SMAD9: variants seen among roughly 807,000 people sequenced by gnomAD.
The protein encoded by SMAD9 is SMAD family member 9.
In SMAD9, 36 loss-of-function variants were observed where a neutral mutation model predicts 46.1. The ratio of observed to expected loss-of-function variants is 0.78; its 90% CI spans 0.60 to 1.03. The LOEUF is 1.03. SMAD9 is among the 50% of genes least tolerant of loss of function. The pLI, the probability that SMAD9 is intolerant of heterozygous loss-of-function variation, is 0.00. For missense variants in SMAD9, 572 were observed against 599.8 expected, an observed-to-expected ratio of 0.95 and a Z score of 0.48; for synonymous variants, 245 against 237.1, an observed-to-expected ratio of 1.03 and a Z score of -0.31.
intron 5 of SMAD9, among the ~76,000 whole-genome samples, chr13:36,862,135 C>G (rs555566905): frequency 2.0e-5 from 3 of 152,104 alleles, no homozygotes; most frequent in Admixed American, 2.0e-4. Flanking sequence ...TCAGGCTCCA[C>G]GAACACTGAC....
chr13:36,884,384 G>GA (rs1018268623), intron 1 of SMAD9, among the ~76,000 whole-genome samples: 1 of 152,098 alleles, frequency 6.6e-6, no homozygotes, highest in African/African-American at 2.4e-5. Context: ...TGGGCAGAGA[G>GA]AAAAAACACC....
At chr13:36,906,108 C>T (rs2058618265) in intron 1 of SMAD9, among the ~76,000 whole-genome samples, 1 of 152,078 alleles carries the variant, frequency 6.6e-6, no homozygotes, top group African/African-American at 2.4e-5. Flanking sequence ...CAAATTTCTA[C>T]AGCCACAAAG....
intron 1 of SMAD9, among the ~76,000 whole-genome samples, chr13:36,900,578 G>A (rs2058566006): frequency 2.0e-5 from 3 of 151,462 alleles, no homozygotes; most frequent in South Asian, 2.1e-4. Flanking sequence ...CCGCTTGGCC[G>A]ACTATCTTAT....
chr13:36,867,137 C>T (rs2058242569), intron 4 of SMAD9, 136 bp downstream of exon 4: 1 of 642,816 alleles, frequency 1.6e-6, no homozygotes, highest in African/African-American at 1.8e-5. Context: ...GCAAAGCCAT[C>T]CCATTTGCCT....
intron 5 of SMAD9, among the ~76,000 whole-genome samples, chr13:36,855,304 A>C (rs1303926810): frequency 1.3e-5 from 2 of 151,508 alleles, no homozygotes; most frequent in Non-Finnish European, 2.9e-5. Context: ...GTTGCTGCTC[A>C]TGCTAATTTC....
chr13:36,853,750 TAGG>T lies in SMAD9; in HGVS notation c.1004-78_1004-76del, dbSNP rs554000731. The T allele has an allele frequency of 2.0e-4, 296 of 1,505,468 alleles. No individual in the cohort carries two copies. In the African/African-American group the frequency reaches 3.4e-3, roughly 17 times the overall value. The allele number at this position is 1,505,468 out of a possible 1,614,324, so 93.3% of individuals were successfully genotyped here. A position where few individuals can be genotyped will look rare whatever the true frequency, so the allele number is the denominator to read the frequency against. ...CCTCTCCCACTGATTCCTGAAACCC[TAGG>T]AGATGTGACTCTCCCATCAGGTTGT... is the stretch of plus-strand genomic sequence containing the variant. On this transcript the variant is annotated intron_variant, in intron 5 of 6. Transcript: ENST00000379826.
intron 1 of SMAD9, among the ~76,000 whole-genome samples, chr13:36,886,802 C>A (rs188739181): frequency 1.3e-5 from 2 of 152,302 alleles, no homozygotes; most frequent in East Asian, 3.9e-4. Flanking sequence ...GAAAGTGCGG[C>A]CACTCCAGGG....
intron 1 of SMAD9, among the ~76,000 whole-genome samples, chr13:36,890,474 T>C (rs532225171): frequency 6.6e-6 from 1 of 152,350 alleles, no homozygotes; most frequent in Non-Finnish European, 1.5e-5. Flanking sequence ...TTTATTGACG[T>C]AGTCAATGAA....
chr13:36,880,488 GAAAAA>G (rs201645755), intron 1 of SMAD9, among the ~76,000 whole-genome samples: 6 of 152,022 alleles, frequency 3.9e-5, no homozygotes, highest in East Asian at 1.9e-4. Flanking sequence ...GAAAAGAAAA[GAAAAA>G]AAGAATCGTG....
intron 1 of SMAD9, among the ~76,000 whole-genome samples, chr13:36,884,675 C>G (rs946999112): frequency 6.6e-6 from 1 of 152,142 alleles, no homozygotes; most frequent in African/African-American, 2.4e-5. Flanking sequence ...TTTAAGTTGA[C>G]GGTTTTAAAT....
At chr13:36,901,725 G>C (rs2058577966) in intron 1 of SMAD9, among the ~76,000 whole-genome samples, 1 of 152,180 alleles carries the variant, frequency 6.6e-6, no homozygotes, top group African/African-American at 2.4e-5. Flanking sequence ...ACTGTGCCCG[G>C]TCCACTGTGG....
At position 36,893,208 on chromosome 13, in the gene SMAD9, T is replaced by C. The variant is rs922803350; in HGVS notation, c.-186-13333A>G. On this transcript the variant is annotated intron_variant, in intron 1 of 6. Coordinates refer to ENST00000379826, the MANE Select transcript of SMAD9 (RefSeq NM_001127217.3). ...AGAAATGATTAATGAAACCAATTCA[T>C]TGGATCTCAACCAGCATTTTAAAAA... Among the ~76,000 whole-genome samples the C allele has an allele frequency of 3.9e-5, 6 of 151,982 alleles. No homozygotes were observed. The East Asian group carries it at 1.2e-3, about 29-fold the overall frequency.
Position 36,848,669 on chromosome 13 carries a change from A to C in SMAD9, c.*7T>G, listed in dbSNP as rs758938512. ...ATCCTATGGAAATGCAGCTTAAGAC[A>C]TGACTGTTAAGACACTGAAGAAATG... On this transcript the variant is annotated 3_prime_UTR_variant, in exon 7 of 7. Transcript: ENST00000379826. 1 of 1,614,088 alleles carries C rather than the reference A, an allele frequency of 6.2e-7. No individual in the cohort carries two copies. Among genetic ancestry groups the C allele is most frequent in the Admixed American group, 1.7e-5 (1 of 60,030 alleles).
At position 36,865,482 on chromosome 13, in the gene SMAD9, C is replaced by T. The variant is rs543294024; in HGVS notation, c.1003+55G>A. The T allele has an allele frequency of 3.1e-4, 455 of 1,454,484 alleles. 3 individuals carry two copies. The African/African-American group carries it at 5.7e-3, about 18-fold the overall frequency. 90.1% of individuals were successfully genotyped at this position (1,454,484 alleles called of 1,614,324 possible). A position where few individuals can be genotyped will look rare whatever the true frequency, so the allele number is the denominator to read the frequency against. ...GGGTGGTCACGTGCACTTCTACACA[C>T]ATGACCATCTACATTTCGGCTAGAT... On this transcript the variant is annotated intron_variant, in intron 5 of 6. Transcript: ENST00000379826.
At chr13:36,900,684 T>TACACACACACACAC (rs58756918) in intron 1 of SMAD9, among the ~76,000 whole-genome samples, 56 of 142,876 alleles carry the variant, frequency 3.9e-4, no homozygotes, top group Middle Eastern at 7.0e-3. Flanking sequence ...TCATTATGAC[T>TACACACACACACAC]ACACACACAC....
intron 1 of SMAD9, among the ~76,000 whole-genome samples, chr13:36,883,776 T>A (rs2058423183): frequency 6.6e-6 from 1 of 152,050 alleles, no homozygotes; most frequent in African/African-American, 2.4e-5. Context: ...TAACAAAAAA[T>A]AAAAATATAA....
chr13:36,887,356 G>A (rs936249552), intron 1 of SMAD9, among the ~76,000 whole-genome samples: 1 of 151,270 alleles, frequency 6.6e-6, no homozygotes, highest in African/African-American at 2.4e-5. Context: ...CTGAGTAGCT[G>A]GGATTACAGG....
intron 1 of SMAD9, among the ~76,000 whole-genome samples, chr13:36,889,271 T>A (rs1038440729): frequency 3.9e-5 from 6 of 152,184 alleles, no homozygotes; most frequent in Non-Finnish European, 7.3e-5. Flanking sequence ...GAACACTGGG[T>A]TTCCTGTATT....
chr13:36,879,685 T>C lies in SMAD9; in HGVS notation c.5A>G (p.His2Arg). The change falls in exon 2 of 7, where the codon CAC (histidine) becomes CGC (arginine). Residue 2 changes from histidine to arginine, a missense_variant. Physicochemically the swap from His to Arg is conservative, Grantham distance 29 (BLOSUM62 0). Coordinates refer to ENST00000379826, the MANE Select transcript of SMAD9 (RefSeq NM_001127217.3). MHSTTPISSLFS... is the reference protein window; with the variant it reads MRSTTPISSLFS... ...GAGGGAGCTGATGGGGGTGGTGGAG[T>C]GCATAAGAGGCCACAGCAGGCTCCG... 1 of 1,613,646 alleles carries C rather than the reference T, an allele frequency of 6.2e-7. No individual in the cohort carries two copies. Among genetic ancestry groups the C allele is most frequent in the Non-Finnish European group, 8.5e-7 (1 of 1,179,958 alleles).
Sources: gnomAD v4.1 joint callset for allele counts (sites outside exome capture counted in the v4.1 genomes callset) on GRCh38, gnomAD v4.1.1 for gene constraint, MANE v1.5 for transcripts, NCBI Gene and HGNC (gene_info 2026-07-23, HGNC 2026-07-21) for gene names.